SMPX: variants seen among roughly 807,000 people sequenced by gnomAD.
The protein encoded by SMPX is small muscular protein.
In SMPX, 2 loss-of-function variants were observed where a neutral mutation model predicts 6.3. The observed-to-expected ratio is 0.32, with a 90% confidence interval of 0.13 to 0.99. The LOEUF (loss-of-function observed/expected upper bound fraction) is 0.99, where lower values mean the gene tolerates loss of function less well. SMPX is among the 50% of genes least tolerant of loss of function. The pLI, the probability that SMPX is intolerant of heterozygous loss-of-function variation, is 0.49. For synonymous variants in SMPX, 32 were observed against 24.7 expected (o/e 1.30, Z -0.88); for missense variants, 60 against 66.8 (o/e 0.90, Z 0.36).
intron 4 of SMPX, among the ~76,000 whole-genome samples, chrX:21,726,219 T>G (rs1403146027): frequency 4.5e-5 from 5 of 111,758 alleles, no homozygotes; most frequent in African/African-American, 1.3e-4. Flanking sequence ...TGCTGTAAGG[T>G]GGGCAAATGT....
intron 4 of SMPX, chrX:21,733,767 G>C: frequency 3.1e-6 from 1 of 327,794 alleles, no homozygotes; most frequent in Admixed American, 3.1e-5. Context: ...ACTGGAAAAA[G>C]AGATGAGATG....
At chrX:21,751,602 ACAGGGATCAGGGATCAATTCATCT>A (rs758658052) in intron 2 of SMPX, among the ~76,000 whole-genome samples, 25 of 112,279 alleles carry the variant, frequency 2.2e-4, no homozygotes, top group Admixed American at 2.8e-4. Flanking sequence ...TGCCTCAAAC[ACAGGGATCAGGGATCAATTCATCT>A]CAGGGATCAG....
intron 4 of SMPX, among the ~76,000 whole-genome samples, chrX:21,728,500 C>A (rs1159993588): frequency 8.9e-6 from 1 of 111,765 alleles, no homozygotes; most frequent in African/African-American, 3.3e-5. Context: ...AATGAATAAA[C>A]AAATGAGCAA....
chrX:21,716,713 C>T (rs1012039265), intron 4 of SMPX, among the ~76,000 whole-genome samples: 2 of 111,122 alleles, frequency 1.8e-5, no homozygotes, highest in African/African-American at 3.3e-5. Flanking sequence ...TGCTGATGGT[C>T]GGGGAGATCT....
At chrX:21,718,077 C>T (rs750350815) in intron 4 of SMPX, among the ~76,000 whole-genome samples, 5 of 111,791 alleles carry the variant, frequency 4.5e-5, no homozygotes, top group Non-Finnish European at 5.6e-5. Context: ...GGCAGTGACC[C>T]GATCCATTTT....
intron 1 of SMPX, among the ~76,000 whole-genome samples, chrX:21,754,952 C>G (rs2092831290): frequency 8.9e-6 from 1 of 112,530 alleles, no homozygotes; most frequent in Non-Finnish European, 1.9e-5. Flanking sequence ...CACGGGCAGA[C>G]AGCAAGTCTC....
chrX:21,725,515 T>C (rs2092795953), intron 4 of SMPX, among the ~76,000 whole-genome samples: 1 of 112,345 alleles, frequency 8.9e-6, no homozygotes, highest in Non-Finnish European at 1.9e-5. Context: ...ACGAGATGCA[T>C]TTGCTAGTTA....
intron 4 of SMPX, among the ~76,000 whole-genome samples, chrX:21,726,335 A>C (rs1347650212): frequency 8.9e-6 from 1 of 112,319 alleles, no homozygotes; most frequent in Non-Finnish European, 1.9e-5. Flanking sequence ...CTCAGCAGTC[A>C]GTACCAATGA....
intron 4 of SMPX, among the ~76,000 whole-genome samples, chrX:21,734,587 C>T (rs1292439634): frequency 9.0e-6 from 1 of 111,561 alleles, no homozygotes; most frequent in Non-Finnish European, 1.9e-5. Context: ...GCTGAACATC[C>T]TACCTTCCCT....
At chrX:21,723,788 A>G (rs141745713) in intron 4 of SMPX, among the ~76,000 whole-genome samples, 2,169 of 111,456 alleles carry the variant, frequency 0.019, 27 homozygotes, top group Non-Finnish European at 0.03. Context: ...ATCACATAGT[A>G]AAAAAAGGGT....
intron 4 of SMPX, among the ~76,000 whole-genome samples, chrX:21,715,262 CTG>C (rs34947234): frequency 0.12 from 11,755 of 94,391 alleles, 599 homozygotes; most frequent in South Asian, 0.18. Context: ...TCACTCTGCT[CTG>C]TGTGTGTGTG....
intron 4 of SMPX, among the ~76,000 whole-genome samples, chrX:21,715,334 G>A (rs896422941): frequency 9.1e-6 from 1 of 109,880 alleles, no homozygotes; most frequent in African/African-American, 3.4e-5. Flanking sequence ...GCGCGCTGGT[G>A]GGGGGTTAAA....
intron 3 of SMPX, among the ~76,000 whole-genome samples, chrX:21,742,606 C>T (rs2147389743): frequency 8.9e-6 from 1 of 111,793 alleles, no homozygotes; most frequent in Admixed American, 9.5e-5. Flanking sequence ...AATTTGTATT[C>T]ATCAAGAGTG....
At chrX:21,752,579 G>A (rs980489358) in intron 2 of SMPX, among the ~76,000 whole-genome samples, 4 of 110,616 alleles carry the variant, frequency 3.6e-5, no homozygotes, top group African/African-American at 1.3e-4. Context: ...GTGCAGTGAC[G>A]CAATCTTGGC....
At chrX:21,739,700 A>T (rs942790006) in intron 3 of SMPX, among the ~76,000 whole-genome samples, 1 of 112,388 alleles carries the variant, frequency 8.9e-6, no homozygotes, top group Admixed American at 9.4e-5. Context: ...TATGTGTTTT[A>T]TATATGTGTA....
chrX:21,737,811 C>A, intron 3 of SMPX, 114 bp from the exon 4 acceptor site: 1 of 705,038 alleles, frequency 1.4e-6, no homozygotes, highest in South Asian at 2.3e-5. Context: ...AAGTGTGATT[C>A]TAGCAGAGTG....
intron 4 of SMPX, among the ~76,000 whole-genome samples, chrX:21,728,833 C>G (rs956443150): frequency 8.9e-6 from 1 of 111,888 alleles, no homozygotes; most frequent in Non-Finnish European, 1.9e-5. Context: ...TGTAGTAATA[C>G]CCCATGCAGT....
intron 4 of SMPX, among the ~76,000 whole-genome samples, chrX:21,707,993 A>G (rs145979290): frequency 1.6e-4 from 18 of 112,927 alleles, no homozygotes; most frequent in African/African-American, 5.5e-4. Flanking sequence ...GTATGCAGCA[A>G]TAGCTAATTG....
chrX:21,733,136 T>A (rs760425461), intron 4 of SMPX, among the ~76,000 whole-genome samples: 2 of 112,036 alleles, frequency 1.8e-5, no homozygotes, highest in East Asian at 5.6e-4. Context: ...TCTTTTCAAA[T>A]CTACAAAATC....
Sources: gnomAD v4.1 joint callset for allele counts (sites outside exome capture counted in the v4.1 genomes callset) on GRCh38, gnomAD v4.1.1 for gene constraint, MANE v1.5 for transcripts, NCBI Gene and HGNC (gene_info 2026-07-23, HGNC 2026-07-21) for gene names.